The following SASS6 variants were observed in gnomAD, a reference collection of about 807,000 sequenced individuals.
The protein encoded by SASS6 is SAS-6 centriolar assembly protein, also known as spindle assembly abnormal protein 6 homolog.
A neutral mutation model predicts 94.9 loss-of-function variants in SASS6; 59 were observed. That is an observed-to-expected ratio of 0.62 (90% CI 0.50 to 0.77). The LOEUF is 0.77. Ranked by LOEUF, SASS6 falls within the 30% of genes least tolerant of loss-of-function variation. The pLI, the probability that SASS6 is intolerant of heterozygous loss-of-function variation, is 0.00. For missense variants in SASS6, 698 were observed against 734.1 expected (o/e 0.95, Z 0.57); for synonymous variants, 264 against 270.0 (o/e 0.98, Z 0.22).
intron 14 of SASS6, among the ~76,000 whole-genome samples, chr1:100,094,967 G>A (rs1652014263): frequency 6.6e-6 from 1 of 151,572 alleles, no homozygotes; most frequent in Non-Finnish European, 1.5e-5. Flanking sequence ...AGAATGAAAG[G>A]CTAATATAAT....
intron 2 of SASS6, among the ~76,000 whole-genome samples, chr1:100,123,780 C>A (rs552677579): frequency 1.3e-5 from 2 of 152,334 alleles, no homozygotes; most frequent in African/African-American, 4.8e-5. Context: ...TAACACGTTG[C>A]CAGGCTTCTT....
intron 14 of SASS6, among the ~76,000 whole-genome samples, chr1:100,090,928 A>C (rs1651630935): frequency 6.6e-6 from 1 of 152,152 alleles, no homozygotes; most frequent in Non-Finnish European, 1.5e-5. Flanking sequence ...TGGGAACCGA[A>C]CTATGGGGTA....
chr1:100,112,729 T>C (rs1056247261), intron 7 of SASS6, among the ~76,000 whole-genome samples: 1 of 152,238 alleles, frequency 6.6e-6, no homozygotes, highest in African/African-American at 2.4e-5. Context: ...ATTGGCCTAA[T>C]TTGAGAAAGA....
At chr1:100,110,034 T>C (rs1382531620) in intron 8 of SASS6, among the ~76,000 whole-genome samples, 1 of 152,028 alleles carries the variant, frequency 6.6e-6, no homozygotes, top group African/African-American at 2.4e-5. Flanking sequence ...ATTAAAAACA[T>C]ATTGATAAAT....
chr1:100,105,662 G>C (rs974543222), intron 13 of SASS6, 105 bp downstream of exon 13: 1 of 1,071,466 alleles, frequency 9.3e-7, no homozygotes, highest in Non-Finnish European at 1.4e-6. Context: ...ACTCCACTTT[G>C]TATTGGTATC....
intron 6 of SASS6, among the ~76,000 whole-genome samples, chr1:100,120,159 G>A (rs75986640): frequency 0.013 from 1,960 of 152,246 alleles, 49 homozygotes; most frequent in African/African-American, 0.044. Flanking sequence ...ATGAAGACTC[G>A]AGGGAACATG....
chr1:100,132,917 C>T lies in SASS6; in HGVS notation c.-103G>A. On this transcript the variant is annotated 5_prime_UTR_variant, in exon 1 of 17. Coordinates refer to ENST00000287482, the MANE Select transcript of SASS6 (RefSeq NM_194292.3). ...CCTGATAAAGTTTGAGTTTGGCGCT[C>T]GGCTTCTGCGGAGGAGGCGGGGAGG... is the stretch of plus-strand genomic sequence containing the variant. The T allele has an allele frequency of 6.8e-6, 8 of 1,179,980 alleles. No homozygotes were observed. Among genetic ancestry groups the T allele is most frequent in the Non-Finnish European group, 9.9e-6 (8 of 805,862 alleles). The allele number at this position is 1,179,980 out of a possible 1,614,324, so 73.1% of individuals were successfully genotyped here. A position where few individuals can be genotyped will look rare whatever the true frequency, so the allele number is the denominator to read the frequency against.
chr1:100,125,710 C>G (rs1249904457), intron 2 of SASS6, among the ~76,000 whole-genome samples, 172 bp downstream of exon 2: 1 of 151,384 alleles, frequency 6.6e-6, no homozygotes, highest in South Asian at 2.1e-4. Flanking sequence ...GTATAATTAT[C>G]CTTCAGTTGT....
chr1:100,123,435 ATTAGTCT>A, intron 2 of SASS6, 146 bp from the exon 3 acceptor site: 1 of 507,080 alleles, frequency 2.0e-6, no homozygotes, highest in Non-Finnish European at 3.5e-6. Flanking sequence ...CTGGTTTTTT[ATTAGTCT>A]TTAGAGAGTT....
In SASS6 at chr1:100,116,381, T is replaced by C. The variant is rs868133284; in HGVS notation, c.669+2637A>G. ...AATATTCAAGTGATAAATATGTATA[T>C]GAAGAAGTGTTCATTATTATCAGAT... On this transcript the variant is annotated intron_variant, in intron 7 of 16. Coordinates refer to ENST00000287482, the MANE Select transcript of SASS6 (RefSeq NM_194292.3). Among the ~76,000 whole-genome samples, 8 of 152,274 alleles carry C rather than the reference T, an allele frequency of 5.3e-5. No homozygotes were observed. In the South Asian group the frequency reaches 6.2e-4, roughly 12 times the overall value.
rs1184996462 is a variant in SASS6, at chr1:100,132,927, G to A, written c.-113C>T. ...TTTGAGTTTGGCGCTCGGCTTCTGC[G>A]GAGGAGGCGGGGAGGGAGAAACGAG... On this transcript the variant is annotated 5_prime_UTR_variant, in exon 1 of 17. Transcript: ENST00000287482. The A allele has an allele frequency of 1.8e-6, 2 of 1,113,352 alleles. No homozygotes were observed. The highest frequency in any genetic ancestry group is 2.7e-6 in the Non-Finnish European group (2 of 749,932). The allele number at this position is 1,113,352 out of a possible 1,614,324, so 69.0% of individuals were successfully genotyped here. A position where few individuals can be genotyped will look rare whatever the true frequency, so the allele number is the denominator to read the frequency against.
intron 2 of SASS6, among the ~76,000 whole-genome samples, chr1:100,124,950 G>A (rs1031910123): frequency 3.3e-5 from 5 of 152,060 alleles, no homozygotes; most frequent in Admixed American, 2.6e-4. Context: ...GGTTACACTC[G>A]CTTCCCTGCC....
intron 7 of SASS6, among the ~76,000 whole-genome samples, chr1:100,117,842 G>A (rs1653910745): frequency 6.9e-6 from 1 of 144,334 alleles, no homozygotes; most frequent in African/African-American, 2.6e-5. Flanking sequence ...TAAGAAGGTG[G>A]CAGGGCACAG....
In SASS6 at chr1:100,127,176, A is replaced by G. The variant is rs929295046; in HGVS notation, c.66-1234T>C. Reference sequence around the variant, plus strand: ...TAGTAAAAAATACCTATGCACAAGTACTTCTCAAACTATTCTGCCAGAATT... The same window carrying G: ...TAGTAAAAAATACCTATGCACAAGTGCTTCTCAAACTATTCTGCCAGAATT... On this transcript the variant is annotated intron_variant, in intron 1 of 16. Transcript: ENST00000287482. Among the ~76,000 whole-genome samples, 5 of 152,258 alleles carry G rather than the reference A, an allele frequency of 3.3e-5. No homozygotes were observed. In the East Asian group the frequency reaches 9.6e-4, roughly 29 times the overall value.
At position 100,125,951 on chromosome 1, in the gene SASS6, A is replaced by G. The variant is rs1262269165; in HGVS notation, c.66-9T>C. 3 of 1,437,014 alleles carry G rather than the reference A, an allele frequency of 2.1e-6. No individual in the cohort carries two copies. 89.0% of individuals were successfully genotyped at this position (1,437,014 alleles called of 1,614,324 possible). On this transcript the variant is annotated splice_polypyrimidine_tract_variant and intron_variant, in intron 1 of 16. Transcript: ENST00000287482. Reference sequence around the variant, plus strand: ...TTCTTATACTTACTCTCCTGTAGGAAAAGACATACCCAACCATCAGAAACA... The same window carrying G: ...TTCTTATACTTACTCTCCTGTAGGAGAAGACATACCCAACCATCAGAAACA...
intron 1 of SASS6, among the ~76,000 whole-genome samples, chr1:100,128,076 A>T (rs762395598): frequency 7.9e-5 from 12 of 152,012 alleles, no homozygotes; most frequent in Non-Finnish European, 1.6e-4. Flanking sequence ...TCGCTCTGTC[A>T]CCCAGTCTGG....
intron 7 of SASS6, among the ~76,000 whole-genome samples, chr1:100,118,188 G>A (rs1044600006): frequency 6.6e-6 from 1 of 152,196 alleles, no homozygotes; most frequent in Admixed American, 6.5e-5. Flanking sequence ...GGTGGCACAT[G>A]CCTGTAATCC....
chr1:100,131,470 CATAAT>C (rs1314971943), intron 1 of SASS6, among the ~76,000 whole-genome samples: 3 of 152,170 alleles, frequency 2.0e-5, no homozygotes, highest in African/African-American at 4.8e-5. Context: ...CCATTTAACA[CATAAT>C]ATAAAAATTG....
At chr1:100,092,007 CAAAAAAAA>C (rs34503110) in intron 14 of SASS6, among the ~76,000 whole-genome samples, 2 of 50,020 alleles carry the variant, frequency 4.0e-5, no homozygotes, top group East Asian at 6.4e-4. Flanking sequence ...GACCCTGTCT[CAAAAAAAA>C]AAAAAAAAAA....
Sources: gnomAD v4.1 joint callset for allele counts (sites outside exome capture counted in the v4.1 genomes callset) on GRCh38, gnomAD v4.1.1 for gene constraint, MANE v1.5 for transcripts, NCBI Gene and HGNC (gene_info 2026-07-23, HGNC 2026-07-21) for gene names.